CTNNA3: variants seen among roughly 807,000 people sequenced by gnomAD.
The protein encoded by CTNNA3 is catenin alpha 3.
In CTNNA3, 76 loss-of-function variants were observed where a neutral mutation model predicts 95.7. The observed-to-expected ratio is 0.79, with a 90% CI of 0.66 to 0.96. CTNNA3 has a LOEUF of 0.96. CTNNA3 is among the 40% of genes least tolerant of loss of function. The pLI is 0.00. For synonymous variants in CTNNA3, 431 were observed against 374.4 expected (o/e 1.15, Z -1.74); for missense variants, 1,191 against 1,089.8 (o/e 1.09, Z -1.31).
intron 15 of CTNNA3, among the ~76,000 whole-genome samples, chr10:66,011,849 A>C (rs1564576800): frequency 6.6e-6 from 1 of 152,224 alleles, no homozygotes; most frequent in Non-Finnish European, 1.5e-5. Context: ...GAAGGGTTTT[A>C]ATTCACCCAT....
At chr10:66,254,754 C>T (rs1399853808) in intron 13 of CTNNA3, among the ~76,000 whole-genome samples, 1 of 152,178 alleles carries the variant, frequency 6.6e-6, no homozygotes, top group Non-Finnish European at 1.5e-5. Context: ...GTACTTTACT[C>T]TTAGAAACCA....
At chr10:67,595,715 T>A (rs1027095823) in intron 3 of CTNNA3, among the ~76,000 whole-genome samples, 2 of 152,220 alleles carry the variant, frequency 1.3e-5, no homozygotes, top group Non-Finnish European at 2.9e-5. Flanking sequence ...GTCTGTCTAA[T>A]TCTGTCAGTA....
At chr10:67,543,020 C>G (rs1840730515) in intron 3 of CTNNA3, among the ~76,000 whole-genome samples, 1 of 151,984 alleles carries the variant, frequency 6.6e-6, no homozygotes, top group South Asian at 2.1e-4. Flanking sequence ...TAGGAAATTT[C>G]ACTTTTAAAA....
At chr10:66,779,663 G>A (rs1433351485) in intron 7 of CTNNA3, among the ~76,000 whole-genome samples, 1 of 152,162 alleles carries the variant, frequency 6.6e-6, no homozygotes, top group Non-Finnish European at 1.5e-5. Context: ...ACCTGGCCTG[G>A]TTATGGACCT....
At chr10:67,556,262 G>C (rs2133242474) in intron 3 of CTNNA3, among the ~76,000 whole-genome samples, 1 of 152,264 alleles carries the variant, frequency 6.6e-6, no homozygotes, top group East Asian at 1.9e-4. Flanking sequence ...GATGATGCTG[G>C]CCTCATAAAA....
At chr10:66,549,274 G>A (rs555021603) in intron 10 of CTNNA3, among the ~76,000 whole-genome samples, 14 of 152,266 alleles carry the variant, frequency 9.2e-5, no homozygotes, top group African/African-American at 3.4e-4. Context: ...GGGATTACAG[G>A]CGTGAGCCAC....
At chr10:67,106,371 C>T (rs1335744149) in intron 7 of CTNNA3, among the ~76,000 whole-genome samples, 1 of 152,100 alleles carries the variant, frequency 6.6e-6, no homozygotes, top group Non-Finnish European at 1.5e-5. Flanking sequence ...TTGTCATATA[C>T]TTTCGCTTTC....
intron 5 of CTNNA3, among the ~76,000 whole-genome samples, chr10:67,450,550 T>C (rs527425144): frequency 1.3e-3 from 193 of 152,242 alleles, no homozygotes; most frequent in Non-Finnish European, 2.1e-3. Flanking sequence ...AAATACCACA[T>C]GTTCTCACTT....
intron 5 of CTNNA3, among the ~76,000 whole-genome samples, chr10:67,300,234 C>A (rs1183574734): frequency 1.3e-5 from 2 of 152,176 alleles, no homozygotes; most frequent in Non-Finnish European, 2.9e-5. Context: ...CAGGTCAAAA[C>A]TCCATCCCTG....
At chr10:67,402,362 T>G (rs937575471) in intron 5 of CTNNA3, among the ~76,000 whole-genome samples, 1 of 152,142 alleles carries the variant, frequency 6.6e-6, no homozygotes, top group Non-Finnish European at 1.5e-5. Context: ...CAAAGAGCAA[T>G]TCTTTCAATT....
chr10:66,708,635 G>A (rs1848195811), intron 9 of CTNNA3, among the ~76,000 whole-genome samples: 1 of 152,026 alleles, frequency 6.6e-6, no homozygotes, highest in Non-Finnish European at 1.5e-5. Context: ...CATAACAAGA[G>A]GCCAGAGAGC....
chr10:66,918,121 T>A (rs981902566), intron 7 of CTNNA3, among the ~76,000 whole-genome samples: 3 of 152,236 alleles, frequency 2.0e-5, no homozygotes, highest in African/African-American at 7.2e-5. Flanking sequence ...TTTTGATTGC[T>A]ATCCTATTAA....
At chr10:67,704,579 G>A (rs1841065953) in intron 1 of CTNNA3, among the ~76,000 whole-genome samples, 1 of 152,198 alleles carries the variant, frequency 6.6e-6, no homozygotes, top group South Asian at 2.1e-4. Context: ...GCCATTTGTA[G>A]AAAGCTGAAA....
At chr10:66,087,011 A>T (rs1196713921) in intron 14 of CTNNA3, among the ~76,000 whole-genome samples, 1 of 152,150 alleles carries the variant, frequency 6.6e-6, no homozygotes, top group Non-Finnish European at 1.5e-5. Context: ...GATAAATGGC[A>T]TCAGCTGTAC....
At chr10:67,045,601 G>C (rs1333322315) in intron 7 of CTNNA3, among the ~76,000 whole-genome samples, 1 of 152,194 alleles carries the variant, frequency 6.6e-6, no homozygotes. Context: ...GACGGGCAAG[G>C]GGGCAGCTGC....
Position 67,651,384 on chromosome 10 carries a change from C to A in CTNNA3, c.-5-3866G>T, listed in dbSNP as rs540455098. On this transcript the variant is annotated intron_variant, in intron 1 of 17. Transcript: ENST00000433211. ...AGAATTTTATTTTGTCTTCCTAACA[C>A]CTTATCCTGTAGAATATGGACTTTT... Among the ~76,000 whole-genome samples the A allele has an allele frequency of 8.5e-5, 13 of 152,270 alleles. No homozygotes were observed. In the South Asian group the frequency reaches 2.7e-3, roughly 32 times the overall value.
At chr10:65,924,861 CT>C (rs2077142237) in intron 17 of CTNNA3, among the ~76,000 whole-genome samples, 2 of 152,302 alleles carry the variant, frequency 1.3e-5, no homozygotes, top group African/African-American at 4.8e-5. Flanking sequence ...AAAGTCATGT[CT>C]TACATGGTGG....
intron 5 of CTNNA3, among the ~76,000 whole-genome samples, chr10:67,240,868 C>G (rs1195542119): frequency 6.6e-6 from 1 of 151,964 alleles, no homozygotes; most frequent in South Asian, 2.1e-4. Flanking sequence ...GTGTAAAGTT[C>G]AAAAATGCAC....
chr10:66,288,095 C>T (rs936361541), intron 12 of CTNNA3, among the ~76,000 whole-genome samples: 2 of 151,986 alleles, frequency 1.3e-5, no homozygotes, highest in African/African-American at 4.8e-5. Flanking sequence ...ATTTTATATG[C>T]AGATATAAAC....
Sources: allele counts gnomAD v4.1 joint callset (sites outside exome capture counted in the v4.1 genomes callset), GRCh38; gene constraint gnomAD v4.1.1; transcripts MANE v1.5; gene names NCBI Gene and HGNC (gene_info 2026-07-23, HGNC 2026-07-21).